Variants in RAD51B observed in about 807,000 individuals in gnomAD.
RAD51B encodes RAD51 paralog B.
RAD51B carries 38 observed loss-of-function variants against 42.2 expected under a neutral mutation model. The ratio of observed to expected loss-of-function variants is 0.90; its 90% CI spans 0.70 to 1.18. RAD51B has a LOEUF of 1.18. RAD51B is among the 50% of genes most tolerant of loss of function. The probability of loss-of-function intolerance (pLI) is 0.00; values close to 1 mark genes in which losing one functional copy is unlikely to be tolerated. For missense variants in RAD51B, 373 were observed against 400.7 expected (o/e 0.93, Z 0.59); for synonymous variants, 154 against 145.2 (o/e 1.06, Z -0.43).
chr14:68,214,720 A>C (rs887095799), intron 7 of RAD51B, among the ~76,000 whole-genome samples: 1 of 152,186 alleles, frequency 6.6e-6, no homozygotes, highest in Non-Finnish European at 1.5e-5. Context: ...ATTTATGCAC[A>C]TGGCACTTCA....
chr14:68,572,051 G>A (rs147694799), intron 10 of RAD51B, among the ~76,000 whole-genome samples: 1,541 of 152,242 alleles, frequency 0.01, 24 homozygotes, highest in African/African-American at 0.035. Flanking sequence ...GTTAGCTCAC[G>A]GACCCCCACA....
intron 7 of RAD51B, among the ~76,000 whole-genome samples, chr14:68,038,532 A>G (rs1258561761): frequency 6.6e-6 from 1 of 152,202 alleles, no homozygotes; most frequent in Non-Finnish European, 1.5e-5. Context: ...ATTGTTAACT[A>G]CAAACTTGGC....
intron 10 of RAD51B, among the ~76,000 whole-genome samples, chr14:68,566,713 C>G (rs1889439351): frequency 6.6e-6 from 1 of 152,164 alleles, no homozygotes. Context: ...TCTCTGAAGT[C>G]TCATCAAATC....
chr14:68,426,317 C>G (rs186840079), intron 9 of RAD51B, among the ~76,000 whole-genome samples: 1 of 151,192 alleles, frequency 6.6e-6, no homozygotes, highest in African/African-American at 2.4e-5. Context: ...CTCAGGTGAT[C>G]CACCCACCTC....
intron 8 of RAD51B, among the ~76,000 whole-genome samples, chr14:68,363,772 G>T (rs886349634): frequency 6.6e-6 from 1 of 152,212 alleles, no homozygotes; most frequent in Non-Finnish European, 1.5e-5. Context: ...TGTGGGTGCA[G>T]TGAAGGTGGA....
At chr14:67,904,963 C>T (rs1309479167) in intron 7 of RAD51B, among the ~76,000 whole-genome samples, 1 of 146,794 alleles carries the variant, frequency 6.8e-6, no homozygotes, top group Non-Finnish European at 1.5e-5. Flanking sequence ...GCTTTTGGAG[C>T]CTTTGTCATG....
At chr14:67,866,804 T>C (rs2042347103) in intron 5 of RAD51B, among the ~76,000 whole-genome samples, 2 of 152,232 alleles carry the variant, frequency 1.3e-5, no homozygotes, top group African/African-American at 2.4e-5. Context: ...GAATCCCCCA[T>C]ATTTACTTAT....
intron 9 of RAD51B, among the ~76,000 whole-genome samples, chr14:68,457,128 G>T (rs907799522): frequency 2.0e-5 from 3 of 151,706 alleles, no homozygotes; most frequent in African/African-American, 7.3e-5. Context: ...GGTCAGGGTG[G>T]TCTTGAACTC....
chr14:68,315,149 G>C (rs2082030222), intron 8 of RAD51B, among the ~76,000 whole-genome samples: 1 of 152,190 alleles, frequency 6.6e-6, no homozygotes, highest in Admixed American at 6.5e-5. Context: ...TCTAAATGAG[G>C]GAAGAAGGAA....
chr14:67,848,080 C>T (rs191837925), intron 4 of RAD51B, among the ~76,000 whole-genome samples: 10 of 152,258 alleles, frequency 6.6e-5, no homozygotes, highest in Admixed American at 4.6e-4. Flanking sequence ...TGCAGTGGCA[C>T]GATCTCTGCT....
At chr14:68,480,498 C>T (rs369614060), downstream of RAD51B, among the ~76,000 whole-genome samples, 129 of 152,286 alleles carry the variant, frequency 8.5e-4, no homozygotes, top group Admixed American at 1.8e-3. Context: ...ACACCCCACT[C>T]ATTCTGGATC....
chr14:68,016,862 A>AT (rs1388595604), intron 7 of RAD51B, among the ~76,000 whole-genome samples: 3 of 152,254 alleles, frequency 2.0e-5, no homozygotes, highest in Admixed American at 2.0e-4. Flanking sequence ...TTCTGGAATT[A>AT]AGTGACTTCT....
chr14:68,000,292 T>C (rs2075457780), intron 7 of RAD51B: 1 of 152,168 alleles, frequency 6.6e-6, no homozygotes, highest in Non-Finnish European at 1.5e-5. Flanking sequence ...GAATTGCTTT[T>C]CTCTGTTATC....
At chr14:68,505,635 C>T (rs1432478536) in intron 10 of RAD51B, among the ~76,000 whole-genome samples, 1 of 148,864 alleles carries the variant, frequency 6.7e-6, no homozygotes, top group East Asian at 2.0e-4. Flanking sequence ...ACTGCAACCT[C>T]TACCTCTCTG....
At chr14:67,855,188 G>T (rs986551917) in intron 4 of RAD51B, among the ~76,000 whole-genome samples, 1 of 151,492 alleles carries the variant, frequency 6.6e-6, no homozygotes, top group Non-Finnish European at 1.5e-5. Flanking sequence ...ATGAACCACC[G>T]CGCCTGGCCA....
At chr14:68,249,667 G>A (rs558169660) in intron 7 of RAD51B, among the ~76,000 whole-genome samples, 26 of 152,280 alleles carry the variant, frequency 1.7e-4, no homozygotes, top group African/African-American at 5.8e-4. Flanking sequence ...GAATCCTAGA[G>A]TATTTTTTAG....
At chr14:68,591,036 G>A (rs773367773) in intron 10 of RAD51B, among the ~76,000 whole-genome samples, 5 of 152,154 alleles carry the variant, frequency 3.3e-5, no homozygotes, top group Non-Finnish European at 7.3e-5. Flanking sequence ...GTTTGGCCTT[G>A]TGCATCTCAC....
chr14:68,108,288 G>GA (rs1374659318), intron 7 of RAD51B, among the ~76,000 whole-genome samples: 1 of 151,816 alleles, frequency 6.6e-6, no homozygotes, highest in African/African-American at 2.4e-5. Flanking sequence ...CAAGAGAACT[G>GA]AAAATATGTT....
intron 7 of RAD51B, among the ~76,000 whole-genome samples, chr14:68,089,469 G>T (rs990590285): frequency 6.6e-6 from 1 of 152,134 alleles, no homozygotes; most frequent in Non-Finnish European, 1.5e-5. Flanking sequence ...ACCCAGCAGG[G>T]GGCTGGCACA....
Sources: allele counts gnomAD v4.1 joint callset (sites outside exome capture counted in the v4.1 genomes callset), GRCh38; gene constraint gnomAD v4.1.1; transcripts MANE v1.5; gene names NCBI Gene and HGNC (gene_info 2026-07-23, HGNC 2026-07-21).